Variants in TMEFF2 observed in about 807,000 individuals in gnomAD.
TMEFF2 encodes transmembrane protein with EGF like and two follistatin like domains 2.
In TMEFF2, 28 loss-of-function variants were observed where a neutral mutation model predicts 53.8. The observed-to-expected ratio is 0.52, with a 90% CI of 0.39 to 0.71. The LOEUF (loss-of-function observed/expected upper bound fraction) is 0.71. Ranked by LOEUF, TMEFF2 falls within the 30% of genes least tolerant of loss-of-function variation. TMEFF2 has a pLI of 0.00. For missense variants in TMEFF2, 353 were observed against 455.2 expected, an observed-to-expected ratio of 0.78 and a Z score of 2.04; for synonymous variants, 162 against 166.3, an observed-to-expected ratio of 0.97 and a Z score of 0.20.
chr2:192,178,755 T>TATCA (rs2106032691), intron 4 of TMEFF2: 1 of 151,430 alleles, frequency 6.6e-6, no homozygotes, highest in African/African-American at 2.4e-5. Context: ...ACTTATCTTT[T>TATCA]ATCAAATTCT....
chr2:192,186,018 AT>A (rs1691303215), intron 2 of TMEFF2, among the ~76,000 whole-genome samples: 1 of 152,142 alleles, frequency 6.6e-6, no homozygotes, highest in Non-Finnish European at 1.5e-5. Flanking sequence ...AATATTCTTT[AT>A]CTTAATTTCT....
chr2:192,099,523 AC>A (rs1277533995), intron 4 of TMEFF2, among the ~76,000 whole-genome samples: 3 of 152,096 alleles, frequency 2.0e-5, no homozygotes, highest in Non-Finnish European at 2.9e-5. Flanking sequence ...GTTTTTCTAA[AC>A]CCTTGAACTC....
intron 4 of TMEFF2, among the ~76,000 whole-genome samples, chr2:192,171,382 T>C (rs974705023): frequency 6.6e-6 from 1 of 151,980 alleles, no homozygotes; most frequent in Non-Finnish European, 1.5e-5. Flanking sequence ...CTCCCTGCTT[T>C]CTCCCTTACT....
intron 5 of TMEFF2, among the ~76,000 whole-genome samples, chr2:192,022,924 A>G (rs1411198546): frequency 1.3e-5 from 2 of 152,162 alleles, no homozygotes; most frequent in African/African-American, 4.8e-5. Context: ...AGTATCTCCC[A>G]ATCAGTCACA....
At chr2:192,112,170 A>G (rs1689296601) in intron 4 of TMEFF2, among the ~76,000 whole-genome samples, 3 of 152,158 alleles carry the variant, frequency 2.0e-5, no homozygotes, top group Admixed American at 2.0e-4. Context: ...AGAATGGTAG[A>G]TCCACTGACA....
chr2:192,085,061 G>A (rs910433267), intron 4 of TMEFF2, among the ~76,000 whole-genome samples: 1 of 152,134 alleles, frequency 6.6e-6, no homozygotes, highest in Non-Finnish European at 1.5e-5. Flanking sequence ...CTCCTTCACA[G>A]AAATGAAATC....
intron 4 of TMEFF2, among the ~76,000 whole-genome samples, chr2:192,151,019 G>C (rs1690375003): frequency 6.6e-6 from 1 of 151,702 alleles, no homozygotes; most frequent in African/African-American, 2.4e-5. Context: ...GAGGTGATTG[G>C]ATCATGGGGG....
At chr2:192,081,754 T>C (rs1047954847) in intron 4 of TMEFF2, among the ~76,000 whole-genome samples, 3 of 151,572 alleles carry the variant, frequency 2.0e-5, no homozygotes, top group African/African-American at 7.3e-5. Context: ...TACTTTTAAA[T>C]ACATGAAAAT....
chr2:192,075,844 T>C (rs1168167971), intron 4 of TMEFF2, among the ~76,000 whole-genome samples: 1 of 152,044 alleles, frequency 6.6e-6, no homozygotes, highest in East Asian at 1.9e-4. Context: ...TTGCGGGAGA[T>C]ACTAAGGATG....
At chr2:192,103,825 G>T (rs1359152292) in intron 4 of TMEFF2, among the ~76,000 whole-genome samples, 1 of 151,744 alleles carries the variant, frequency 6.6e-6, no homozygotes, top group African/African-American at 2.4e-5. Context: ...TGAGGTGAGG[G>T]CATGCTTGGT....
At chr2:191,965,986 T>A (rs1486939334) in intron 7 of TMEFF2, among the ~76,000 whole-genome samples, 2 of 120,426 alleles carry the variant, frequency 1.7e-5, no homozygotes, top group African/African-American at 5.2e-5. Flanking sequence ...TATATTTGAT[T>A]TAAGAAAAAA....
chr2:192,188,410 C>A (rs11690930), intron 2 of TMEFF2, among the ~76,000 whole-genome samples: 3 of 152,228 alleles, frequency 2.0e-5, no homozygotes, highest in African/African-American at 7.2e-5. Context: ...AGCTGACAGT[C>A]AGACATATGA....
chr2:192,079,273 G>T (rs1276182931), intron 4 of TMEFF2, among the ~76,000 whole-genome samples: 1 of 152,210 alleles, frequency 6.6e-6, no homozygotes, highest in East Asian at 1.9e-4. Flanking sequence ...AGATTTACAT[G>T]ATGGTCTCAG....
intron 4 of TMEFF2, among the ~76,000 whole-genome samples, chr2:192,062,991 TTGC>T (rs1688084539): frequency 6.6e-6 from 1 of 151,650 alleles, no homozygotes; most frequent in South Asian, 2.1e-4. Context: ...GTTGTTGTTG[TTGC>T]TATTCAATTA....
intron 5 of TMEFF2, among the ~76,000 whole-genome samples, chr2:192,026,073 C>G (rs1686964014): frequency 6.6e-6 from 1 of 152,170 alleles, no homozygotes; most frequent in African/African-American, 2.4e-5. Context: ...ACTCCTGCCC[C>G]TGTGCGCCCC....
At chr2:191,984,745 T>A (rs566016417) in intron 7 of TMEFF2, among the ~76,000 whole-genome samples, 1 of 152,206 alleles carries the variant, frequency 6.6e-6, no homozygotes, top group Middle Eastern at 3.4e-3. Flanking sequence ...GGAAAAAAAC[T>A]CATTGTAATA....
In TMEFF2 at chr2:192,194,362, T is replaced by A. The variant is rs1574453567; in HGVS notation, c.163A>T (p.Asn55Tyr). 1.2e-6 allele frequency: 2 copies of A among 1,613,950 alleles called. No individual in the cohort carries two copies. Among genetic ancestry groups the A allele is most frequent in the Admixed American group, 1.7e-5 (1 of 59,986 alleles). Residue 55 changes from asparagine to tyrosine, a missense_variant, in exon 1 of 10, where the codon AAT becomes TAT. By Grantham distance (143) the Asn-to-Tyr change is moderately radical. Transcript: ENST00000272771. This position sits in a 1 kb window ranked among gnomAD's most constrained non-coding sequence, Gnocchi z 4.2. Reference protein sequence around the residue: ...LSDCQTPTGWNCSGYDDREND... With the variant: ...LSDCQTPTGWYCSGYDDREND... Reference sequence around the variant, plus strand: ...GGGGTTCTGGACTTACCAGAGCAATTCCAGCCGGTGGGCGTTTGGCAGTCA... The same window carrying A: ...GGGGTTCTGGACTTACCAGAGCAATACCAGCCGGTGGGCGTTTGGCAGTCA...
At chr2:192,038,549 A>G (rs1033042515) in intron 5 of TMEFF2, among the ~76,000 whole-genome samples, 4 of 151,502 alleles carry the variant, frequency 2.6e-5, no homozygotes, top group African/African-American at 9.7e-5. Flanking sequence ...GTGGGGTCTC[A>G]CTCTGTTCTT....
chr2:191,986,812 G>A (rs1468874974), intron 7 of TMEFF2, among the ~76,000 whole-genome samples: 5 of 150,060 alleles, frequency 3.3e-5, no homozygotes, highest in African/African-American at 1.2e-4. Context: ...GAGCTGACAT[G>A]GTGTCACTGC....
Sources: gnomAD v4.1 joint callset for allele counts (sites outside exome capture counted in the v4.1 genomes callset) on GRCh38, gnomAD v4.1.1 for gene constraint, Gnocchi (gnomAD v3.1) non-coding constraint, MANE v1.5 for transcripts, NCBI Gene and HGNC (gene_info 2026-07-23, HGNC 2026-07-21) for gene names.